The following RGS12 variants were observed in gnomAD, a reference collection of about 807,000 sequenced individuals.
RGS12 encodes regulator of G protein signaling 12.
RGS12 carries 66 observed loss-of-function variants against 120.1 expected under a neutral mutation model. The ratio of observed to expected loss-of-function variants is 0.55; its 90% CI spans 0.45 to 0.67. RGS12 has a LOEUF of 0.67. Ranked by LOEUF, RGS12 falls within the 30% of genes least tolerant of loss-of-function variation. The probability of loss-of-function intolerance (pLI) is 0.00; values close to 1 mark genes in which losing one functional copy is unlikely to be tolerated. For synonymous variants in RGS12, 827 were observed against 804.7 expected (o/e 1.03, Z -0.47); for missense variants, 1,859 against 1,957.7 (o/e 0.95, Z 0.95).
intron 4 of RGS12, among the ~76,000 whole-genome samples, chr4:3,410,256 C>T (rs1397668031): frequency 1.3e-5 from 2 of 152,210 alleles, no homozygotes; most frequent in East Asian, 1.9e-4. Context: ...TGCCTGCTAC[C>T]CTGCCCAGCT....
intron 3 of RGS12, among the ~76,000 whole-genome samples, chr4:3,360,741 C>T (rs1288800825): frequency 3.3e-5 from 5 of 152,148 alleles, no homozygotes; most frequent in African/African-American, 7.2e-5. Flanking sequence ...GGAACTTGCA[C>T]TCATCAAAAC....
At chr4:3,428,532 G>A (rs1216722808) in intron 15 of RGS12, 26 bp from the exon 16 acceptor site, 1 of 1,557,160 alleles carries the variant, frequency 6.4e-7, no homozygotes, top group Non-Finnish European at 8.7e-7. Context: ...AATGAAAGTA[G>A]AACTTTGACT....
chr4:3,433,683 T>C lies in RGS12; in HGVS notation c.4114+2728T>C, dbSNP rs1724549836. Among the ~76,000 whole-genome samples the C allele has an allele frequency of 6.7e-6, 1 of 148,922 alleles. No individual in the cohort carries two copies. Among genetic ancestry groups the C allele is most frequent in the Non-Finnish European group, 1.5e-5 (1 of 67,642 alleles). On this transcript the variant is annotated intron_variant, in intron 17 of 17. Transcript: ENST00000336727. The surrounding 1 kb of genome is among the most constrained non-coding windows in gnomAD (Gnocchi z 4.4). ...TTCCAGCCCCTGCGCCACGTGGTGC[T>C]CCACCACGCCCTTCTAGCCTCAGCG...
upstream of RGS12, chr4:3,292,881 CCGCCCCGTGCCCCGCCCCCGCAT>C (rs1242114943): frequency 3.3e-5 from 5 of 151,372 alleles, no homozygotes; most frequent in African/African-American, 9.7e-5. Context: ...GGCCCTCGCC[CCGCCCCGTGCCCCGCCCCCGCAT>C]CGCCCCGCCC....
At chr4:3,333,331 G>C (rs1420929801) in intron 2 of RGS12, among the ~76,000 whole-genome samples, 2 of 152,192 alleles carry the variant, frequency 1.3e-5, no homozygotes, top group African/African-American at 2.4e-5. Context: ...TTACAGGCGT[G>C]AGCTACCGTG....
intron 10 of RGS12, among the ~76,000 whole-genome samples, chr4:3,421,784 C>T (rs1056559621): frequency 3.9e-5 from 6 of 152,216 alleles, no homozygotes; most frequent in African/African-American, 1.4e-4. Flanking sequence ...GCTGACTCCA[C>T]CTCTTCATGG....
intron 2 of RGS12, among the ~76,000 whole-genome samples, chr4:3,334,858 G>A (rs1202381206): frequency 2.0e-5 from 3 of 152,150 alleles, no homozygotes; most frequent in African/African-American, 2.4e-5. Context: ...TCACTGATGT[G>A]TTGGGTGACT....
At chr4:3,425,356 C>T (rs998450230) in intron 13 of RGS12, 108 bp from the exon 14 acceptor site, 17 of 981,038 alleles carry the variant, frequency 1.7e-5, no homozygotes, top group Non-Finnish European at 2.4e-5. Context: ...CCATCTCCTG[C>T]GTGACTCCAT....
At chr4:3,302,021 C>G (rs1199647949) in intron 1 of RGS12, among the ~76,000 whole-genome samples, 4 of 151,370 alleles carry the variant, frequency 2.6e-5, no homozygotes, top group African/African-American at 9.7e-5. Context: ...TCTGGCAACT[C>G]CATTTATAGT....
chr4:3,335,529 G>T (rs1397327223), intron 2 of RGS12, among the ~76,000 whole-genome samples: 1 of 152,114 alleles, frequency 6.6e-6, no homozygotes, highest in Non-Finnish European at 1.5e-5. Context: ...CCCCAGGGGC[G>T]CTCCCCGGAG....
rs1179006390 is a variant in RGS12 at position 3,372,516 on chromosome 4, AG to A, written c.1999-13896del. On this transcript the variant is annotated intron_variant, in intron 3 of 17. Coordinates refer to ENST00000336727, the MANE Select transcript of RGS12 (RefSeq NM_001394154.1). This position sits in a 1 kb window ranked among gnomAD's most constrained non-coding sequence, Gnocchi z 4.3. ...CCGATGTTCCCCCTGTGCTCGAGCT[AG>A]GGGTTTGACTTTAGTCCTCAGCTGT... Among the ~76,000 whole-genome samples, 1 of 152,076 alleles carries A rather than the reference AG, an allele frequency of 6.6e-6. No homozygotes were observed. The highest frequency in any genetic ancestry group is 1.9e-4 in the East Asian group (1 of 5,166).
At chr4:3,376,818 C>T (rs917935128) in intron 3 of RGS12, among the ~76,000 whole-genome samples, 4 of 152,222 alleles carry the variant, frequency 2.6e-5, no homozygotes, top group Admixed American at 2.6e-4. Flanking sequence ...CTCCTGAACA[C>T]TCACTCTGTG....
chr4:3,289,828 C>T (rs1001617726), upstream of RGS12, among the ~76,000 whole-genome samples: 8 of 152,252 alleles, frequency 5.3e-5, no homozygotes, highest in Non-Finnish European at 5.9e-5. Context: ...TACCCACCCA[C>T]AGCCTCTGGT....
At chr4:3,319,485 G>T (rs1450722792) in intron 2 of RGS12, among the ~76,000 whole-genome samples, 1 of 152,104 alleles carries the variant, frequency 6.6e-6, no homozygotes, top group East Asian at 1.9e-4. Context: ...CTCAAGTGCA[G>T]TGGCTCTATC....
intron 2 of RGS12, among the ~76,000 whole-genome samples, chr4:3,336,347 A>G (rs565509397): frequency 6.6e-6 from 1 of 152,010 alleles, no homozygotes. Flanking sequence ...TCTACATAGT[A>G]CTCTCTGTTA....
At chr4:3,429,254 A>T (rs748101076) in intron 16 of RGS12, among the ~76,000 whole-genome samples, 45 of 152,198 alleles carry the variant, frequency 3.0e-4, no homozygotes, top group Non-Finnish European at 6.0e-4. Flanking sequence ...TGAGATGGAG[A>T]GATGAGTCCT....
intron 3 of RGS12, among the ~76,000 whole-genome samples, chr4:3,369,234 A>G (rs1331521340): frequency 3.3e-5 from 5 of 152,214 alleles, no homozygotes; most frequent in African/African-American, 4.8e-5. Flanking sequence ...TCCTGAGAAA[A>G]GCCTTCTAAG....
chr4:3,410,247 G>T (rs1243527558), intron 4 of RGS12, among the ~76,000 whole-genome samples: 6 of 152,224 alleles, frequency 3.9e-5, no homozygotes, highest in Admixed American at 3.9e-4. Context: ...GACCACAGGT[G>T]CCTGCTACCC....
At chr4:3,438,443 G>A (rs1331249642) in intron 17 of RGS12, among the ~76,000 whole-genome samples, 3 of 152,022 alleles carry the variant, frequency 2.0e-5, no homozygotes, top group Admixed American at 6.5e-5. Context: ...GTCAGTGGGC[G>A]GGAAGGGCTG....
Sources: allele counts gnomAD v4.1 joint callset (sites outside exome capture counted in the v4.1 genomes callset), GRCh38; gene constraint gnomAD v4.1.1; non-coding constraint Gnocchi (gnomAD v3.1); transcripts MANE v1.5; gene names NCBI Gene and HGNC (gene_info 2026-07-23, HGNC 2026-07-21).